Variants in KCNS3 observed in about 807,000 individuals in gnomAD.
The protein encoded by KCNS3 is potassium voltage-gated channel modifier subfamily S member 3.
In KCNS3, 13 loss-of-function variants were observed where a neutral mutation model predicts 31.0. The observed-to-expected ratio is 0.42, with a 90% confidence interval of 0.27 to 0.67. The LOEUF is 0.67. KCNS3 is among the 30% of genes least tolerant of loss of function. The probability of loss-of-function intolerance (pLI) is 0.25; values close to 1 mark genes in which losing one functional copy is unlikely to be tolerated. For synonymous variants in KCNS3, 238 were observed against 241.5 expected (o/e 0.99, Z 0.13); for missense variants, 545 against 622.4 (o/e 0.88, Z 1.32).
At position 17,932,301 on chromosome 2, in the gene KCNS3, G is replaced by A. The variant is rs1558462649; in HGVS notation, c.1293G>A (p.Lys431=). The A allele has an allele frequency of 1.2e-6, 2 of 1,614,088 alleles. No homozygotes were observed. The highest frequency in any genetic ancestry group is 1.3e-5 in the African/African-American group (1 of 75,022). ...VDQCSEDAPE[K]CHELPYFNIR... Reference sequence around the variant, plus strand: ...AGTGCAGTGAGGATGCACCAGAGAAGTGTCATGAGCTACCTTACTTTAACA... The same window carrying A: ...AGTGCAGTGAGGATGCACCAGAGAAATGTCATGAGCTACCTTACTTTAACA... The change falls in exon 3 of 3, where the codon AAG becomes AAA. Residue 431 remains lysine (K), a synonymous_variant. Transcript: ENST00000304101.
intron 1 of KCNS3, among the ~76,000 whole-genome samples, chr2:17,897,423 T>A (rs1021419993): frequency 4.6e-5 from 7 of 152,220 alleles, no homozygotes; most frequent in Non-Finnish European, 1.0e-4. Context: ...GACTGCTGAG[T>A]TGAATGGTAG....
intron 2 of KCNS3, among the ~76,000 whole-genome samples, chr2:17,925,972 C>A (rs1662828844): frequency 6.6e-6 from 1 of 152,174 alleles, no homozygotes; most frequent in South Asian, 2.1e-4. Flanking sequence ...AAATCAAAAG[C>A]AAATTAGTTA....
Position 17,932,431 on chromosome 2 carries a change from G to C in KCNS3, c.1423G>C (p.Asp475His). 1.2e-6 allele frequency: 2 copies of C among 1,613,984 alleles called. No homozygotes were observed. Among genetic ancestry groups the C allele is most frequent in the Non-Finnish European group, 8.5e-7 (1 of 1,179,970 alleles). The change falls in exon 3 of 3, where the codon GAC (aspartate) becomes CAC (histidine). Residue 475 changes from aspartate (D) to histidine (H), a missense_variant. Asp to His is a moderately conservative substitution (Grantham distance 81). Transcript: ENST00000304101. ...CTCCACAGATGCTTCAAGCATTGAA[G>C]ACAATGAGGACATTTGTAACACCAC... ...PDSTDASSIE[D>H]NEDICNTTSL...
chr2:17,901,240 G>T (rs936617090), intron 1 of KCNS3, among the ~76,000 whole-genome samples: 1 of 152,128 alleles, frequency 6.6e-6, no homozygotes, highest in Admixed American at 6.5e-5. Flanking sequence ...ATGGAAATAG[G>T]CCTAAGGCAT....
chr2:17,919,892 G>A (rs1662674256), intron 2 of KCNS3, among the ~76,000 whole-genome samples: 1 of 152,130 alleles, frequency 6.6e-6, no homozygotes, highest in Admixed American at 6.5e-5. Flanking sequence ...CTCTTACCAG[G>A]GAGGCACCTG....
intron 1 of KCNS3, among the ~76,000 whole-genome samples, chr2:17,891,643 ATTTG>A (rs1427558758): frequency 6.6e-6 from 1 of 152,082 alleles, no homozygotes; most frequent in Non-Finnish European, 1.5e-5. Context: ...TTCTCTCAGC[ATTTG>A]TTTGTCTCAA....
At chr2:17,899,300 G>A (rs891846949) in intron 1 of KCNS3, among the ~76,000 whole-genome samples, 1 of 152,056 alleles carries the variant, frequency 6.6e-6, no homozygotes, top group African/African-American at 2.4e-5. Context: ...TACATAATGT[G>A]CGAGACACTG....
chr2:17,896,196 C>G (rs1662020373), intron 1 of KCNS3, among the ~76,000 whole-genome samples: 1 of 152,100 alleles, frequency 6.6e-6, no homozygotes, highest in Non-Finnish European at 1.5e-5. Context: ...GCTGGTACCA[C>G]CACATCTGAC....
chr2:17,921,945 ATATATATATATAT>A (rs1662724392), intron 2 of KCNS3, among the ~76,000 whole-genome samples: 1 of 137,224 alleles, frequency 7.3e-6, no homozygotes, highest in African/African-American at 2.7e-5. Context: ...ATATATATAT[ATATATATATATAT>A]AAATACATAT....
chr2:17,894,080 C>T (rs770434200), intron 1 of KCNS3, among the ~76,000 whole-genome samples: 9 of 151,634 alleles, frequency 5.9e-5, no homozygotes, highest in Non-Finnish European at 1.0e-4. Context: ...TCCCTATAAC[C>T]CACATCAATG....
intron 1 of KCNS3, among the ~76,000 whole-genome samples, chr2:17,907,951 T>C (rs968214757): frequency 6.6e-6 from 1 of 152,210 alleles, no homozygotes; most frequent in Non-Finnish European, 1.5e-5. Context: ...GAGTTGCTCT[T>C]CTCGAGGAGT....
chr2:17,892,138 T>A (rs1293378456), intron 1 of KCNS3, among the ~76,000 whole-genome samples: 2 of 152,134 alleles, frequency 1.3e-5, no homozygotes, highest in Admixed American at 1.3e-4. Flanking sequence ...TTCTTTTTTC[T>A]TTGTCTTTGT....
At chr2:17,927,982 C>A (rs1662875094) in intron 2 of KCNS3, among the ~76,000 whole-genome samples, 1 of 152,150 alleles carries the variant, frequency 6.6e-6, no homozygotes, top group African/African-American at 2.4e-5. Context: ...AAGTTGTAGG[C>A]CAACAACCTT....
intron 1 of KCNS3, among the ~76,000 whole-genome samples, chr2:17,903,216 T>A (rs982400946): frequency 6.6e-6 from 1 of 152,146 alleles, no homozygotes; most frequent in African/African-American, 2.4e-5. Context: ...AGCAAATAAA[T>A]TGTTAAGAAT....
intron 2 of KCNS3, among the ~76,000 whole-genome samples, chr2:17,925,318 C>T (rs1005634656): frequency 6.6e-6 from 1 of 152,162 alleles, no homozygotes. Flanking sequence ...TGATAAGAAA[C>T]ATTTACTGTC....
Position 17,931,682 on chromosome 2 carries a change from T to C in KCNS3, c.674T>C (p.Val225Ala). ...GEVDDPVLEG[V>A]EIACIAWFTG... Reference sequence around the variant, plus strand: ...GTGGATGATCCGGTGCTGGAAGGAGTGGAGATCGCGTGCATTGCCTGGTTC... The same window carrying C: ...GTGGATGATCCGGTGCTGGAAGGAGCGGAGATCGCGTGCATTGCCTGGTTC... The change falls in exon 3 of 3, where the codon GTG becomes GCG. Residue 225 changes from valine to alanine, a missense_variant. Val to Ala is a moderately conservative substitution (Grantham distance 64, BLOSUM62 0). Coordinates refer to ENST00000304101, the MANE Select transcript of KCNS3 (RefSeq NM_002252.5). This position sits in a 1 kb window ranked among gnomAD's most constrained non-coding sequence, Gnocchi z 5.4. 1 of 1,613,380 alleles carries C rather than the reference T, an allele frequency of 6.2e-7. No homozygotes were observed. Among genetic ancestry groups the C allele is most frequent in the South Asian group, 1.1e-5 (1 of 91,016 alleles).
intron 1 of KCNS3, among the ~76,000 whole-genome samples, chr2:17,888,268 A>G (rs1446579975): frequency 6.6e-6 from 1 of 151,666 alleles, no homozygotes; most frequent in East Asian, 1.9e-4. Context: ...GCCAATATCT[A>G]GAAGAGTTTT....
intron 1 of KCNS3, among the ~76,000 whole-genome samples, chr2:17,902,000 T>G (rs1459262763): frequency 6.6e-6 from 1 of 152,070 alleles, no homozygotes; most frequent in Non-Finnish European, 1.5e-5. Context: ...TGCAGACATT[T>G]TATTAATATT....
chr2:17,878,074 T>C (rs1472586389), upstream of KCNS3: 1 of 152,254 alleles, frequency 6.6e-6, no homozygotes, highest in Admixed American at 6.5e-5. Context: ...ACAAAGCATC[T>C]TGTTCTGCAC....
Sources: gnomAD v4.1 joint callset for allele counts (sites outside exome capture counted in the v4.1 genomes callset) on GRCh38, gnomAD v4.1.1 for gene constraint, Gnocchi (gnomAD v3.1) non-coding constraint, MANE v1.5 for transcripts, NCBI Gene and HGNC (gene_info 2026-07-23, HGNC 2026-07-21) for gene names.